COL28A1: variants seen among roughly 807,000 people sequenced by gnomAD.
The protein encoded by COL28A1 is collagen type XXVIII alpha 1 chain, also known as collagen alpha-1(XXVIII) chain.
COL28A1 carries 161 observed loss-of-function variants against 150.2 expected under a neutral mutation model. That is an observed-to-expected ratio of 1.07 (90% CI 0.94 to 1.22). The LOEUF is 1.22. Among genes scored for constraint, COL28A1 ranks in the 50% most tolerant of loss-of-function variants. The pLI is 0.00. For missense variants in COL28A1, 1,617 were observed against 1,388.3 expected, an observed-to-expected ratio of 1.16 and a Z score of -2.62; for synonymous variants, 552 against 469.7, an observed-to-expected ratio of 1.18 and a Z score of -2.26.
At chr7:7,387,258 C>T (rs960749889) in intron 27 of COL28A1, among the ~76,000 whole-genome samples, 1 of 152,214 alleles carries the variant, frequency 6.6e-6, no homozygotes, top group East Asian at 1.9e-4. Flanking sequence ...GGAAACCACG[C>T]CCAGACCATT....
At chr7:7,463,521 C>T (rs1255397931) in intron 15 of COL28A1, among the ~76,000 whole-genome samples, 1 of 152,070 alleles carries the variant, frequency 6.6e-6, no homozygotes, top group Admixed American at 6.6e-5. Context: ...TATCATCAGC[C>T]TCCTCAAACA....
In COL28A1 at chr7:7,483,786, T is replaced by C. The variant is rs995094938; in HGVS notation, c.1164+5603A>G. The stretch of plus-strand genomic sequence containing the variant: ...AAAAAGAAGTACTTTAAATACTTAA[T>C]GGTCTTATGGAAATAATGGAAAATA... On this transcript the variant is annotated intron_variant, in intron 13 of 34. Transcript: ENST00000399429. 4.6e-5 allele frequency among the ~76,000 whole-genome samples: 7 copies of C among 152,238 alleles called. No individual in the cohort carries two copies. The East Asian group carries it at 1.3e-3, about 29-fold the overall frequency.
At chr7:7,472,458 C>T (rs935367302) in intron 15 of COL28A1, among the ~76,000 whole-genome samples, 9 of 151,712 alleles carry the variant, frequency 5.9e-5, no homozygotes, top group African/African-American at 2.2e-4. Flanking sequence ...TAGGAATATA[C>T]CTAACCAAGG....
chr7:7,509,829 G>C (rs1037100571), intron 9 of COL28A1, among the ~76,000 whole-genome samples: 1 of 152,008 alleles, frequency 6.6e-6, no homozygotes, highest in Non-Finnish European at 1.5e-5. Flanking sequence ...CCAATATCCA[G>C]GTCCATCTTC....
chr7:7,413,191 C>G lies in COL28A1; in HGVS notation c.2136+4668G>C, dbSNP rs13230547. 1.1e-4 allele frequency among the ~76,000 whole-genome samples: 17 copies of G among 152,022 alleles called. 1 individual carries two copies. In the East Asian group the frequency reaches 2.9e-3, roughly 26 times the overall value. On this transcript the variant is annotated intron_variant, in intron 27 of 34. Coordinates refer to ENST00000399429, the MANE Select transcript of COL28A1 (RefSeq NM_001037763.3). ...CAAATTACCCAGCCTGTCATTGAGG[C>G]TATTTTTTAAAACTGATAACAAACT... is the stretch of plus-strand genomic sequence containing the variant.
In COL28A1 at chr7:7,373,753, C is replaced by T. The variant is rs1290672559; in HGVS notation, c.2360-207G>A. ...TCTCGCTGTCGCCCAGGTTGGAGTG[C>T]AGTGGCGCGATCTCGGCTCACTGCA... On this transcript the variant is annotated intron_variant, in intron 31 of 34. Transcript: ENST00000399429. This position sits in a 1 kb window ranked among gnomAD's most constrained non-coding sequence, Gnocchi z 4.1. 3.3e-5 allele frequency among the ~76,000 whole-genome samples: 5 copies of T among 150,522 alleles called. No homozygotes were observed. The highest frequency in any genetic ancestry group is 7.4e-5 in the Non-Finnish European group (5 of 67,776).
At chr7:7,351,976 T>G (rs1013575295), downstream of COL28A1, among the ~76,000 whole-genome samples, 1 of 152,158 alleles carries the variant, frequency 6.6e-6, no homozygotes, top group Non-Finnish European at 1.5e-5. Flanking sequence ...ACACACTCTT[T>G]AAGTCTGAAA....
At chr7:7,432,794 C>A in intron 23 of COL28A1, 94 bp from the exon 24 acceptor site, 3 of 910,696 alleles carry the variant, frequency 3.3e-6, no homozygotes, top group South Asian at 1.4e-5. Context: ...TGCCAACGGT[C>A]GATTTCTAAC....
rs150009645 is a variant in COL28A1 at position 7,383,473 on chromosome 7, T to G, written c.2137-1861A>C. 4.5e-3 allele frequency among the ~76,000 whole-genome samples: 687 copies of G among 151,858 alleles called. 6 individuals are homozygous for G. Among genetic ancestry groups the G allele is most frequent in the African/African-American group, 0.015 (628 of 41,418 alleles). On this transcript the variant is annotated intron_variant, in intron 27 of 34. Transcript: ENST00000399429. ...TTTGTATTTTTAGTAGAGACAGGGTTTCACCATGTTGGCCAGTCTGGTCTC... is the reference window on the plus strand; with the variant it reads ...TTTGTATTTTTAGTAGAGACAGGGTGTCACCATGTTGGCCAGTCTGGTCTC...
In COL28A1 at chr7:7,489,462, GA is replaced by G; in HGVS notation, c.1096-6del. ...TCCTTCTTGGCCTCTTTCTCCCTAAGAGAAAGAAATAATAGAATGAAAGCTT... is the reference window on the plus strand; with the variant it reads ...TCCTTCTTGGCCTCTTTCTCCCTAAGGAAAGAAATAATAGAATGAAAGCTT... On this transcript the variant is annotated splice_region_variant and splice_polypyrimidine_tract_variant and intron_variant, in intron 12 of 34. Coordinates refer to ENST00000399429, the MANE Select transcript of COL28A1 (RefSeq NM_001037763.3). 2 of 1,232,308 alleles carry G rather than the reference GA, an allele frequency of 1.6e-6. No individual in the cohort carries two copies. Among genetic ancestry groups the G allele is most frequent in the Non-Finnish European group, 2.4e-6 (2 of 830,892 alleles). The allele number at this position is 1,232,308 out of a possible 1,614,324, so 76.3% of individuals were successfully genotyped here. A position where few individuals can be genotyped will look rare whatever the true frequency, so the allele number is the denominator to read the frequency against.
downstream of COL28A1, among the ~76,000 whole-genome samples, chr7:7,355,356 C>T (rs947118838): frequency 6.6e-6 from 1 of 151,962 alleles, no homozygotes; most frequent in African/African-American, 2.4e-5. Flanking sequence ...TGGCTCACAC[C>T]CCAAACACTT....
In COL28A1 at chr7:7,407,278, CTT is replaced by C. The variant is rs575292485; in HGVS notation, c.2136+10579_2136+10580del. Among the ~76,000 whole-genome samples, 24 of 152,098 alleles carry C rather than the reference CTT, an allele frequency of 1.6e-4. No homozygotes were observed. In the East Asian group the frequency reaches 4.6e-3, roughly 29 times the overall value. The stretch of plus-strand genomic sequence containing the variant: ...GGAAGAAGACTAGGTCAGAAGCAAT[CTT>C]TGAAAATATAACACAGAGAATTTTC... On this transcript the variant is annotated intron_variant, in intron 27 of 34. Transcript: ENST00000399429.
intron 27 of COL28A1, among the ~76,000 whole-genome samples, chr7:7,395,842 C>G (rs78248285): frequency 0.016 from 2,511 of 152,274 alleles, 67 homozygotes; most frequent in African/African-American, 0.058. Context: ...GTCCTCCTTT[C>G]TAATTACGTT....
chr7:7,367,944 C>T (rs1456098553), intron 33 of COL28A1, among the ~76,000 whole-genome samples: 1 of 152,064 alleles, frequency 6.6e-6, no homozygotes, highest in African/African-American at 2.4e-5. Flanking sequence ...ACCTCCAATC[C>T]TTTCAATCAC....
chr7:7,429,406 CCTCTCTCT>C (rs4035101), intron 25 of COL28A1, among the ~76,000 whole-genome samples: 1 of 134,370 alleles, frequency 7.4e-6, no homozygotes. Context: ...TATGAATCTC[CCTCTCTCT>C]CTCTCTCTCT....
Position 7,373,785 on chromosome 7 carries a change from G to A in COL28A1, c.2360-239C>T, listed in dbSNP as rs930567137. ...GCGATCTCGGCTCACTGCAGGCTCC[G>A]TCCCCTGGGATTCACGCCATTCTCC... On this transcript the variant is annotated intron_variant, in intron 31 of 34. Coordinates refer to ENST00000399429, the MANE Select transcript of COL28A1 (RefSeq NM_001037763.3). This position sits in a 1 kb window ranked among gnomAD's most constrained non-coding sequence, Gnocchi z 4.1. Among the ~76,000 whole-genome samples, 9 of 150,790 alleles carry A rather than the reference G, an allele frequency of 6.0e-5. No individual in the cohort carries two copies. Among genetic ancestry groups the A allele is most frequent in the South Asian group, 4.2e-4 (2 of 4,772 alleles).
chr7:7,346,945 A>C, the COL28A1 span, among the ~76,000 whole-genome samples: 1 of 152,270 alleles, frequency 6.6e-6, no homozygotes, highest in South Asian at 2.1e-4. Flanking sequence ...TATAGGGTCA[A>C]GTTTCAAAGC....
intron 18 of COL28A1, among the ~76,000 whole-genome samples, chr7:7,446,067 A>G (rs1159137173): frequency 6.6e-6 from 1 of 152,148 alleles, no homozygotes; most frequent in African/African-American, 2.4e-5. Context: ...CATGTTGGTC[A>G]GGCTGTTCTT....
intron 21 of COL28A1, among the ~76,000 whole-genome samples, chr7:7,437,833 T>C (rs1044855641): frequency 3.9e-5 from 6 of 152,248 alleles, no homozygotes; most frequent in Non-Finnish European, 2.9e-5. Flanking sequence ...GCAAATGTTT[T>C]AGGGTGTACT....
Sources: gnomAD v4.1 joint callset for allele counts (sites outside exome capture counted in the v4.1 genomes callset) on GRCh38, gnomAD v4.1.1 for gene constraint, Gnocchi (gnomAD v3.1) non-coding constraint, MANE v1.5 for transcripts, NCBI Gene and HGNC (gene_info 2026-07-23, HGNC 2026-07-21) for gene names.